The following CHRM3 variants were observed in gnomAD, a reference collection of about 807,000 sequenced individuals.
CHRM3 encodes the protein muscarinic acetylcholine receptor M3.
Under a neutral mutation model 41.8 loss-of-function variants are expected in CHRM3, and 11 were observed. The ratio of observed to expected loss-of-function variants is 0.26; its 90% CI spans 0.17 to 0.44. The LOEUF (loss-of-function observed/expected upper bound fraction) is 0.44. Ranked by LOEUF, CHRM3 falls within the 20% of genes least tolerant of loss-of-function variation. CHRM3 has a pLI of 1.00. For missense variants in CHRM3, 571 were observed against 745.4 expected, an observed-to-expected ratio of 0.77 and a Z score of 2.72; for synonymous variants, 297 against 301.4, an observed-to-expected ratio of 0.99 and a Z score of 0.15.
intron 4 of CHRM3, among the ~76,000 whole-genome samples, chr1:239,651,858 C>G (rs749335820): frequency 6.9e-4 from 105 of 152,278 alleles, no homozygotes; most frequent in African/African-American, 2.3e-3. Context: ...AGCACCCCCC[C>G]ACACCCCTGC....
intron 5 of CHRM3, among the ~76,000 whole-genome samples, chr1:239,763,170 CAAAG>C (rs1357642840): frequency 6.6e-6 from 1 of 151,878 alleles, no homozygotes; most frequent in Non-Finnish European, 1.5e-5. Flanking sequence ...CATGTTTTAA[CAAAG>C]AAAACATTCA....
intron 3 of CHRM3, among the ~76,000 whole-genome samples, chr1:239,607,255 A>C (rs1666440867): frequency 6.6e-6 from 1 of 152,206 alleles, no homozygotes; most frequent in South Asian, 2.1e-4. Context: ...GAATAGTAGT[A>C]GTACCTGCAT....
chr1:239,673,020 C>G (rs1430099180), intron 4 of CHRM3, among the ~76,000 whole-genome samples: 2 of 152,102 alleles, frequency 1.3e-5, no homozygotes, highest in African/African-American at 4.8e-5. Flanking sequence ...TTCTGGTTTA[C>G]CATTCTTCCT....
At chr1:239,431,339 G>A (rs975601610) in intron 1 of CHRM3, among the ~76,000 whole-genome samples, 2 of 151,920 alleles carry the variant, frequency 1.3e-5, no homozygotes, top group African/African-American at 4.8e-5. Flanking sequence ...TTTTTCATTT[G>A]CAGGAAAAAG....
At chr1:239,874,291 A>ATATATATATATATATCTATATACACAG (rs1553291860) in intron 6 of CHRM3, among the ~76,000 whole-genome samples, 909 of 67,122 alleles carry the variant, frequency 0.014, 10 homozygotes, top group East Asian at 0.06. Flanking sequence ...CACAGTATAT[A>ATATATATATATATATCTATATACACAG]TATATATATA....
At chr1:239,656,384 G>A (rs1238797792) in intron 4 of CHRM3, among the ~76,000 whole-genome samples, 2 of 151,742 alleles carry the variant, frequency 1.3e-5, no homozygotes, top group Non-Finnish European at 2.9e-5. Flanking sequence ...CACTTTGGGA[G>A]GCTGAAGGGG....
intron 1 of CHRM3, among the ~76,000 whole-genome samples, chr1:239,467,436 G>A (rs1175697512): frequency 2.6e-5 from 4 of 151,926 alleles, no homozygotes; most frequent in Non-Finnish European, 5.9e-5. Context: ...CGAGTAGCTG[G>A]GATTACAGGC....
At chr1:239,735,777 A>G (rs1053717028) in intron 5 of CHRM3, among the ~76,000 whole-genome samples, 6 of 152,104 alleles carry the variant, frequency 3.9e-5, no homozygotes, top group African/African-American at 1.4e-4. Flanking sequence ...AAAAATGCTG[A>G]TAAATTTACA....
intron 5 of CHRM3, among the ~76,000 whole-genome samples, chr1:239,798,935 G>A (rs939195078): frequency 1.3e-5 from 2 of 152,150 alleles, no homozygotes; most frequent in Non-Finnish European, 2.9e-5. Context: ...CATTTGCAGC[G>A]AAGCGTTGTT....
chr1:239,674,439 G>A (rs1571941599), intron 4 of CHRM3, among the ~76,000 whole-genome samples: 1 of 152,100 alleles, frequency 6.6e-6, no homozygotes, highest in Non-Finnish European at 1.5e-5. Flanking sequence ...GCTGGGCGCG[G>A]TGGCTCATGC....
At position 239,575,329 on chromosome 1, in the gene CHRM3, T is replaced by G. The variant is rs1055248982; in HGVS notation, c.-313+29580T>G. Reference sequence around the variant, plus strand: ...TCAGTTGAGCAGCCTAAAGGGTTGTTGAGGGTGTTTCTTATACCTCCGGCT... The same window carrying G: ...TCAGTTGAGCAGCCTAAAGGGTTGTGGAGGGTGTTTCTTATACCTCCGGCT... On this transcript the variant is annotated intron_variant, in intron 3 of 6. Transcript: ENST00000676153. Among the ~76,000 whole-genome samples the G allele has an allele frequency of 2.6e-5, 4 of 152,130 alleles. No individual in the cohort carries two copies. In the East Asian group the frequency reaches 7.7e-4, roughly 29 times the overall value.
At chr1:239,721,666 A>G (rs1255190171) in intron 5 of CHRM3, among the ~76,000 whole-genome samples, 1 of 151,940 alleles carries the variant, frequency 6.6e-6, no homozygotes, top group Non-Finnish European at 1.5e-5. Flanking sequence ...AAGAACATGT[A>G]TTGAATTAAT....
chr1:239,890,095 A>T (rs1050131438), intron 6 of CHRM3, among the ~76,000 whole-genome samples: 2 of 152,078 alleles, frequency 1.3e-5, no homozygotes, highest in Non-Finnish European at 1.5e-5. Context: ...AGAGGTCGGG[A>T]GTTTGAGACC....
chr1:239,741,390 G>A (rs955792042), intron 5 of CHRM3, among the ~76,000 whole-genome samples: 3 of 152,176 alleles, frequency 2.0e-5, no homozygotes, highest in African/African-American at 7.2e-5. Flanking sequence ...TCCAGGTATA[G>A]GGTGGACATT....
chr1:239,768,102 A>C (rs1667365801), intron 5 of CHRM3, among the ~76,000 whole-genome samples: 2 of 152,232 alleles, frequency 1.3e-5, no homozygotes, highest in Non-Finnish European at 1.5e-5. Context: ...AAGACTGAGC[A>C]AAACAGGCTT....
intron 6 of CHRM3, among the ~76,000 whole-genome samples, chr1:239,905,487 C>G (rs1200957958): frequency 6.6e-6 from 1 of 152,182 alleles, no homozygotes; most frequent in Non-Finnish European, 1.5e-5. Context: ...GAGCAGATAA[C>G]TAGATGCCGG....
intron 1 of CHRM3, among the ~76,000 whole-genome samples, chr1:239,388,453 G>A (rs919654339): frequency 6.6e-6 from 1 of 151,916 alleles, no homozygotes; most frequent in African/African-American, 2.4e-5. Context: ...TTTTTAACTG[G>A]GTGCAGTGAT....
intron 4 of CHRM3, among the ~76,000 whole-genome samples, chr1:239,652,085 C>G (rs1276477395): frequency 6.6e-6 from 1 of 151,712 alleles, no homozygotes; most frequent in Non-Finnish European, 1.5e-5. Context: ...CTTTTGTAAG[C>G]CTGCTTATAG....
At chr1:239,419,617 A>G (rs1661777604) in intron 1 of CHRM3, among the ~76,000 whole-genome samples, 1 of 152,234 alleles carries the variant, frequency 6.6e-6, no homozygotes, top group Non-Finnish European at 1.5e-5. Flanking sequence ...CAGACCGTGT[A>G]TGAGCAAAGC....
Sources: allele counts gnomAD v4.1 joint callset (sites outside exome capture counted in the v4.1 genomes callset), GRCh38; gene constraint gnomAD v4.1.1; transcripts MANE v1.5; gene names NCBI Gene and HGNC (gene_info 2026-07-23, HGNC 2026-07-21).